Variants in THEMIS observed in about 807,000 individuals in gnomAD.
THEMIS encodes the protein thymocyte selection associated.
Under a neutral mutation model 52.6 loss-of-function variants are expected in THEMIS, and 37 were observed. The observed-to-expected ratio is 0.70, with a 90% CI of 0.54 to 0.93. The LOEUF (loss-of-function observed/expected upper bound fraction) is 0.93. Ranked by LOEUF, THEMIS falls within the 40% of genes least tolerant of loss-of-function variation. The pLI, the probability that THEMIS is intolerant of heterozygous loss-of-function variation, is 0.00. For missense variants in THEMIS, 808 were observed against 763.1 expected (o/e 1.06, Z -0.69); for synonymous variants, 292 against 272.7 (o/e 1.07, Z -0.70).
intron 4 of THEMIS, among the ~76,000 whole-genome samples, chr6:127,788,818 T>C (rs569637548): frequency 6.3e-4 from 96 of 152,298 alleles, no homozygotes; most frequent in African/African-American, 2.2e-3. Flanking sequence ...ATAAATACAA[T>C]GAACTTTATT....
At chr6:127,897,104 G>A (rs1411004797) in intron 1 of THEMIS, among the ~76,000 whole-genome samples, 2 of 151,316 alleles carry the variant, frequency 1.3e-5, no homozygotes, top group Non-Finnish European at 3.0e-5. Context: ...TGACTCTGTA[G>A]AAGAGAAAAA....
chr6:127,848,922 T>C (rs1779319824), intron 2 of THEMIS, among the ~76,000 whole-genome samples: 1 of 152,136 alleles, frequency 6.6e-6, no homozygotes, highest in South Asian at 2.1e-4. Flanking sequence ...AGAAGCTCTT[T>C]AGTTTAATTA....
chr6:127,887,385 G>A (rs1780678347), intron 1 of THEMIS, among the ~76,000 whole-genome samples: 1 of 152,038 alleles, frequency 6.6e-6, no homozygotes, highest in Non-Finnish European at 1.5e-5. Flanking sequence ...TTAAGAAACT[G>A]GGATCCTTAT....
Position 127,813,027 on chromosome 6 carries a change from C to T in THEMIS, c.1614G>A (p.Glu538=). The T allele has an allele frequency of 6.2e-7, 1 of 1,614,080 alleles. No individual in the cohort carries two copies. The highest frequency in any genetic ancestry group is 1.7e-5 in the Admixed American group (1 of 59,990). ...VRTLVEEITE[E]QYYMMRRYES... ...CATATCTCCGCATCATGTAATATTG[C>T]TCTTCAGTGATCTCTTCTACCAGAG... Residue 538 remains glutamate, a synonymous_variant, in exon 4 of 6, where the codon GAG becomes GAA. Coordinates refer to ENST00000368248, the MANE Select transcript of THEMIS (RefSeq NM_001010923.3).
At position 127,709,903 on chromosome 6, in the gene THEMIS, C is replaced by T. The variant is rs1308464737; in HGVS notation, c.*82G>A. The T allele has an allele frequency of 1.6e-6, 2 of 1,287,752 alleles. No homozygotes were observed. The highest frequency in any genetic ancestry group is 2.4e-5 in the East Asian group (1 of 41,902). The allele number at this position is 1,287,752 out of a possible 1,614,324, so 79.8% of individuals were successfully genotyped here. A position where few individuals can be genotyped will look rare whatever the true frequency, so the allele number is the denominator to read the frequency against. On this transcript the variant is annotated 3_prime_UTR_variant, in exon 6 of 6. Coordinates refer to ENST00000368248, the MANE Select transcript of THEMIS (RefSeq NM_001010923.3). ...TTCTTCTGGAGTCCATTGGGGAATA[C>T]TCGTTTTTCAGCTAGAAGGCTAGCT...
rs527400123 is a variant in THEMIS, at chr6:127,836,250, T to C, written c.251-6316A>G. On this transcript the variant is annotated intron_variant, in intron 2 of 5. Coordinates refer to ENST00000368248, the MANE Select transcript of THEMIS (RefSeq NM_001010923.3). ...TTCAGTATTGATGTTGCCTGCAAAT[T>C]AAATGTACCTAAGTAGCCACCTGTT... Among the ~76,000 whole-genome samples, 6 of 152,252 alleles carry C rather than the reference T, an allele frequency of 3.9e-5. No individual in the cohort carries two copies. In the South Asian group the frequency reaches 1.2e-3, roughly 32 times the overall value.
intron 4 of THEMIS, among the ~76,000 whole-genome samples, chr6:127,795,797 T>C (rs1314673808): frequency 1.3e-5 from 2 of 152,226 alleles, no homozygotes; most frequent in African/African-American, 4.8e-5. Context: ...AAATTGCTTT[T>C]GCGCCAACCT....
intron 4 of THEMIS, among the ~76,000 whole-genome samples, chr6:127,805,134 A>G (rs1415944217): frequency 6.6e-6 from 1 of 152,088 alleles, no homozygotes; most frequent in Non-Finnish European, 1.5e-5. Flanking sequence ...CTGATTTTAT[A>G]GAATTCTCTC....
chr6:127,768,806 C>A (rs1356688230), intron 4 of THEMIS, among the ~76,000 whole-genome samples: 3 of 152,158 alleles, frequency 2.0e-5, no homozygotes, highest in Non-Finnish European at 4.4e-5. Context: ...ATGATGTATG[C>A]AAAAGTATCA....
intron 4 of THEMIS, among the ~76,000 whole-genome samples, chr6:127,791,631 C>T (rs1439414308): frequency 6.6e-6 from 1 of 152,160 alleles, no homozygotes; most frequent in African/African-American, 2.4e-5. Context: ...TGCCCAGGAG[C>T]CTGTTTGCAT....
intron 4 of THEMIS, among the ~76,000 whole-genome samples, chr6:127,772,101 A>G (rs1294076263): frequency 6.6e-6 from 1 of 152,070 alleles, no homozygotes; most frequent in East Asian, 1.9e-4. Context: ...TTTCTGATTT[A>G]TTTAATCATC....
At chr6:127,704,181 T>C (rs376581709), downstream of THEMIS, among the ~76,000 whole-genome samples, 2 of 152,346 alleles carry the variant, frequency 1.3e-5, no homozygotes, top group East Asian at 3.9e-4. Flanking sequence ...TTTACACCTC[T>C]TTCCACTAAG....
upstream of THEMIS, among the ~76,000 whole-genome samples, chr6:127,904,234 G>C (rs1270825658): frequency 6.6e-6 from 1 of 151,998 alleles, no homozygotes; most frequent in African/African-American, 2.4e-5. Context: ...AAATTTTTTT[G>C]CTCATTGAAA....
rs375129499 is a variant in THEMIS at position 127,863,966 on chromosome 6, T to A, written c.92-8778A>T. Among the ~76,000 whole-genome samples, 11 of 152,248 alleles carry A rather than the reference T, an allele frequency of 7.2e-5. No individual in the cohort carries two copies. In the East Asian group the frequency reaches 1.7e-3, roughly 24 times the overall value. Reference sequence around the variant, plus strand: ...TCAATAGCTGGATTCTTCCCCTGTGTCCCTTCTACCATTAAAGCCAAGACA... The same window carrying A: ...TCAATAGCTGGATTCTTCCCCTGTGACCCTTCTACCATTAAAGCCAAGACA... On this transcript the variant is annotated intron_variant, in intron 1 of 5. Transcript: ENST00000368248.
chr6:127,761,820 C>T (rs117923600), intron 4 of THEMIS, among the ~76,000 whole-genome samples: 341 of 152,172 alleles, frequency 2.2e-3, no homozygotes, highest in Non-Finnish European at 4.2e-3. Context: ...GCCAATAGCA[C>T]AGCCATTATG....
At chr6:127,809,155 TCTTA>T (rs2114590863) in intron 4 of THEMIS, among the ~76,000 whole-genome samples, 1 of 152,330 alleles carries the variant, frequency 6.6e-6, no homozygotes, top group South Asian at 2.1e-4. Flanking sequence ...TCTGAATAAC[TCTTA>T]CTATTTGTTA....
chr6:127,735,846 C>A (rs939031109), intron 4 of THEMIS, among the ~76,000 whole-genome samples: 2 of 152,134 alleles, frequency 1.3e-5, no homozygotes, highest in African/African-American at 4.8e-5. Flanking sequence ...ATGATTCTTC[C>A]AACATCAGGG....
upstream of THEMIS, among the ~76,000 whole-genome samples, chr6:127,905,332 C>A (rs1373073924): frequency 6.6e-6 from 1 of 151,970 alleles, no homozygotes; most frequent in Non-Finnish European, 1.5e-5. Flanking sequence ...AAGGGTAGAA[C>A]ACAATGGAAT....
chr6:127,730,452 A>T (rs112596058), intron 4 of THEMIS, among the ~76,000 whole-genome samples: 12 of 37,970 alleles, frequency 3.2e-4, no homozygotes, highest in South Asian at 2.1e-3. Context: ...AACAAACGAA[A>T]GAAAGAAAGA....
Sources: gnomAD v4.1 joint callset for allele counts (sites outside exome capture counted in the v4.1 genomes callset) on GRCh38, gnomAD v4.1.1 for gene constraint, MANE v1.5 for transcripts, NCBI Gene and HGNC (gene_info 2026-07-23, HGNC 2026-07-21) for gene names.